Variants in GLIS2 observed in about 807,000 individuals in gnomAD.
GLIS2 encodes GLIS family zinc finger 2.
A neutral mutation model predicts 35.6 loss-of-function variants in GLIS2; 14 were observed. The observed-to-expected ratio is 0.39, with a 90% CI of 0.26 to 0.61. The LOEUF is 0.61. Among genes scored for constraint, GLIS2 ranks in the 20% least tolerant of loss-of-function variants. The probability of loss-of-function intolerance (pLI) is 0.48; values close to 1 mark genes in which losing one functional copy is unlikely to be tolerated. For missense variants in GLIS2, 675 were observed against 713.4 expected, an observed-to-expected ratio of 0.95 and a Z score of 0.61; for synonymous variants, 368 against 325.1, an observed-to-expected ratio of 1.13 and a Z score of -1.42.
intron 1 of GLIS2, among the ~76,000 whole-genome samples, chr16:4,319,293 G>T (rs2053349600): frequency 6.6e-6 from 1 of 152,164 alleles, no homozygotes; most frequent in South Asian, 2.1e-4. Flanking sequence ...CCAGATAAAT[G>T]CCCTTCTCAG....
chr16:4,335,721 T>C lies in GLIS2; in HGVS notation c.775+328T>C, dbSNP rs556119748. On this transcript the variant is annotated intron_variant, in intron 6 of 6. Transcript: ENST00000433375. This position sits in a 1 kb window ranked among gnomAD's most constrained non-coding sequence, Gnocchi z 4.6. ...CAGCCCAGGCCCATACCAGGACAGC[T>C]CTGGTTGTCAGAGCCACAGACATAA... The C allele has an allele frequency of 2.0e-5, 7 of 355,512 alleles. No homozygotes were observed. The highest frequency in any genetic ancestry group is 8.5e-4 in the Middle Eastern group (1 of 1,174). 22.0% of individuals were successfully genotyped at this position (355,512 alleles called of 1,614,324 possible).
At chr16:4,316,544 G>T (rs909357261) in intron 1 of GLIS2, among the ~76,000 whole-genome samples, 3 of 151,820 alleles carry the variant, frequency 2.0e-5, no homozygotes, top group Non-Finnish European at 4.4e-5. Context: ...GGCCCGGGGC[G>T]GGCGCAAACT....
intron 1 of GLIS2, among the ~76,000 whole-genome samples, chr16:4,322,760 C>G (rs1045096348): frequency 6.6e-6 from 1 of 152,188 alleles, no homozygotes; most frequent in Admixed American, 6.5e-5. Flanking sequence ...CAAGGTCCAC[C>G]GCCCGCCTTA....
chr16:4,328,756 C>T (rs1037000778), intron 1 of GLIS2, among the ~76,000 whole-genome samples: 1 of 152,172 alleles, frequency 6.6e-6, no homozygotes, highest in East Asian at 1.9e-4. Context: ...GCTGGCCCCA[C>T]CTGGGGAGAC....
chr16:4,325,653 C>CCCA (rs1331723224), intron 1 of GLIS2, among the ~76,000 whole-genome samples: 1 of 152,104 alleles, frequency 6.6e-6, no homozygotes, highest in Non-Finnish European at 1.5e-5. Flanking sequence ...ACGGGCTGGG[C>CCCA]GTGGTGGCTC....
Position 4,332,520 on chromosome 16 carries a change from A to G in GLIS2, c.172+68A>G. ...GTCATGGTGACAGGGAGAATGGCCA[A>G]GTGTGTCCACCAGCATGTAGCTGCA... On this transcript the variant is annotated intron_variant, in intron 2 of 6. Coordinates refer to ENST00000433375, the MANE Select transcript of GLIS2 (RefSeq NM_032575.3). This position sits in a 1 kb window ranked among gnomAD's most constrained non-coding sequence, Gnocchi z 5.4. The G allele has an allele frequency of 6.4e-7, 1 of 1,557,120 alleles. No individual in the cohort carries two copies. The highest frequency in any genetic ancestry group is 8.7e-7 in the Non-Finnish European group (1 of 1,147,494).
At chr16:4,331,789 A>AT (rs912231980) in intron 1 of GLIS2, 671 of 193,362 alleles carry the variant, frequency 3.5e-3, no homozygotes, top group South Asian at 6.4e-3. Flanking sequence ...AAAAAAGAAA[A>AT]TTTTTTTTTT....
At position 4,337,734 on chromosome 16, in the gene GLIS2, C is replaced by T; in HGVS notation, c.*210C>T. ...GGCCTGTCATGCAGGGAGAGCTGTGCTCCTGGGTGCTGAAGCCTCGCTCCT... is the reference window on the plus strand; with the variant it reads ...GGCCTGTCATGCAGGGAGAGCTGTGTTCCTGGGTGCTGAAGCCTCGCTCCT... On this transcript the variant is annotated 3_prime_UTR_variant, in exon 7 of 7. Coordinates refer to ENST00000433375, the MANE Select transcript of GLIS2 (RefSeq NM_032575.3). 1 of 683,696 alleles carries T rather than the reference C, an allele frequency of 1.5e-6. No individual in the cohort carries two copies. The highest frequency in any genetic ancestry group is 2.5e-6 in the Non-Finnish European group (1 of 394,898). The allele number at this position is 683,696 out of a possible 1,614,324, so 42.4% of individuals were successfully genotyped here.
Position 4,332,195 on chromosome 16 carries a change from C to G in GLIS2, c.-66-20C>G. The G allele has an allele frequency of 6.6e-7, 1 of 1,511,934 alleles. No individual in the cohort carries two copies. Among genetic ancestry groups the G allele is most frequent in the South Asian group, 1.2e-5 (1 of 84,808 alleles). 93.7% of individuals were successfully genotyped at this position (1,511,934 alleles called of 1,614,324 possible). On this transcript the variant is annotated intron_variant, in intron 1 of 6. Transcript: ENST00000433375. This position sits in a 1 kb window ranked among gnomAD's most constrained non-coding sequence, Gnocchi z 5.4. ...AGCCTGGGGTCTCAGTGCCACAGCA[C>G]AGCTCCTGTCCTTCCCCAGGTTCCT...
intron 1 of GLIS2, among the ~76,000 whole-genome samples, chr16:4,319,855 G>A (rs777746531): frequency 9.2e-5 from 14 of 152,272 alleles, no homozygotes; most frequent in Middle Eastern, 3.4e-3. Context: ...CACGGAGGCC[G>A]GGTACTCGCC....
intron 1 of GLIS2, among the ~76,000 whole-genome samples, chr16:4,322,222 G>A (rs1567217502): frequency 6.6e-6 from 1 of 152,074 alleles, no homozygotes; most frequent in Non-Finnish European, 1.5e-5. Context: ...AGAGCAGGTG[G>A]CACTCTTCTG....
At chr16:4,327,402 C>A (rs1350887332) in intron 1 of GLIS2, among the ~76,000 whole-genome samples, 2 of 152,244 alleles carry the variant, frequency 1.3e-5, no homozygotes, top group African/African-American at 4.8e-5. Context: ...GTATGACCCA[C>A]CCCAGGCCAA....
In GLIS2 at chr16:4,337,654, C is replaced by T; in HGVS notation, c.*130C>T. 3.0e-6 allele frequency: 4 copies of T among 1,346,172 alleles called. No homozygotes were observed. Among genetic ancestry groups the T allele is most frequent in the Non-Finnish European group, 4.1e-6 (4 of 977,884 alleles). The allele number at this position is 1,346,172 out of a possible 1,614,324, so 83.4% of individuals were successfully genotyped here. A position where few individuals can be genotyped will look rare whatever the true frequency, so the allele number is the denominator to read the frequency against. On this transcript the variant is annotated 3_prime_UTR_variant, in exon 7 of 7. Transcript: ENST00000433375. ...CAGCCCCAGCCCAGCCCGCCGGGAG[C>T]AAGGATGGTGCTAGGTCATTCATGG...
rs1485720608 is a variant in GLIS2 at position 4,337,624 on chromosome 16, C to T, written c.*100C>T. The T allele has an allele frequency of 4.0e-6, 6 of 1,497,444 alleles. No individual in the cohort carries two copies. Among genetic ancestry groups the T allele is most frequent in the Middle Eastern group, 2.3e-4 (1 of 4,422 alleles). The allele number at this position is 1,497,444 out of a possible 1,614,324, so 92.8% of individuals were successfully genotyped here. On this transcript the variant is annotated 3_prime_UTR_variant, in exon 7 of 7. Coordinates refer to ENST00000433375, the MANE Select transcript of GLIS2 (RefSeq NM_032575.3). Reference sequence around the variant, plus strand: ...TGAAATAGCAATAATGTCCTACTGCCCGGGCAGCCCCAGCCCAGCCCGCCG... The same window carrying T: ...TGAAATAGCAATAATGTCCTACTGCTCGGGCAGCCCCAGCCCAGCCCGCCG...
chr16:4,316,411 C>T (rs1175060886), intron 1 of GLIS2, among the ~76,000 whole-genome samples, 157 bp downstream of exon 1: 1 of 150,246 alleles, frequency 6.7e-6, no homozygotes. Flanking sequence ...CCCCCGCGTT[C>T]GCTCGCTCGC....
rs1169116275 is a variant in GLIS2 at position 4,316,182 on chromosome 16, C to G, written c.-139C>G. ...CCGGCCCCCGCCCGTCCCGGCCCCT[C>G]CCCCGCTCGGCTCCCCGCGCCCCCC... On this transcript the variant is annotated 5_prime_UTR_variant, in exon 1 of 7. Coordinates refer to ENST00000433375, the MANE Select transcript of GLIS2 (RefSeq NM_032575.3). Among the ~76,000 whole-genome samples the G allele has an allele frequency of 6.9e-6, 1 of 145,306 alleles. No individual in the cohort carries two copies. The highest frequency in any genetic ancestry group is 1.5e-5 in the Non-Finnish European group (1 of 65,318).
In GLIS2 at chr16:4,335,831, A is replaced by G; in HGVS notation, c.775+438A>G. On this transcript the variant is annotated intron_variant, in intron 6 of 6. Coordinates refer to ENST00000433375, the MANE Select transcript of GLIS2 (RefSeq NM_032575.3). The surrounding 1 kb of genome is among the most constrained non-coding windows in gnomAD (Gnocchi z 4.6). ...TAATATGGTTCGTTGACCCCGGTAC[A>G]TCCAACGTGTTATCAATTCATTATT... The G allele has an allele frequency of 4.6e-6, 1 of 219,484 alleles. No individual in the cohort carries two copies. The highest frequency in any genetic ancestry group is 1.1e-4 in the East Asian group (1 of 9,258). The allele number at this position is 219,484 out of a possible 1,614,324, so 13.6% of individuals were successfully genotyped here.
rs773752250 is a variant in GLIS2 at position 4,320,162 on chromosome 16, A to T, written c.-67+3908A>T. ...GAGTGTCACATGTGCGTGCACACGG[A>T]CTCCAGCCTTGGCAGATGGCTGCCG... On this transcript the variant is annotated intron_variant, in intron 1 of 6. Transcript: ENST00000433375. This position sits in a 1 kb window ranked among gnomAD's most constrained non-coding sequence, Gnocchi z 5.6. 1.3e-5 allele frequency among the ~76,000 whole-genome samples: 2 copies of T among 151,726 alleles called. No individual in the cohort carries two copies. Among genetic ancestry groups the T allele is most frequent in the Non-Finnish European group, 2.9e-5 (2 of 67,932 alleles).
rs889747669 is a variant in GLIS2, at chr16:4,337,134, G to C, written c.1185G>C (p.Gly395=). ...ACGNGGGSGG[G]GGMGPGLPGP... ...GCAACGGTGGGGGCAGTGGGGGTGG[G>C]GGGGGCATGGGCCCTGGGCTGCCAG... Residue 395 remains glycine, a synonymous_variant, in exon 7 of 7, where the codon GGG becomes GGC. Coordinates refer to ENST00000433375, the MANE Select transcript of GLIS2 (RefSeq NM_032575.3). 13 of 1,536,658 alleles carry C rather than the reference G, an allele frequency of 8.5e-6. No individual in the cohort carries two copies. Among genetic ancestry groups the C allele is most frequent in the Admixed American group, 2.0e-5 (1 of 50,980 alleles).
Sources: gnomAD v4.1 joint callset for allele counts (sites outside exome capture counted in the v4.1 genomes callset) on GRCh38, gnomAD v4.1.1 for gene constraint, Gnocchi (gnomAD v3.1) non-coding constraint, MANE v1.5 for transcripts, NCBI Gene and HGNC (gene_info 2026-07-23, HGNC 2026-07-21) for gene names.